Variants in EPS8 observed in about 807,000 individuals in gnomAD.
EPS8 encodes the protein epidermal growth factor receptor kinase substrate 8.
Under a neutral mutation model 103.8 loss-of-function variants are expected in EPS8, and 42 were observed. That is an observed-to-expected ratio of 0.40 (90% confidence interval 0.32 to 0.52). The LOEUF is 0.52. Ranked by LOEUF, EPS8 falls within the 20% of genes least tolerant of loss-of-function variation. The pLI, the probability that EPS8 is intolerant of heterozygous loss-of-function variation, is 0.40. For missense variants in EPS8, 969 were observed against 1,005.1 expected (o/e 0.96, Z 0.49); for synonymous variants, 344 against 344.6 (o/e 1.00, Z 0.02).
chr12:15,672,581 C>A (rs1026464598), intron 3 of EPS8: 5 of 397,252 alleles, frequency 1.3e-5, no homozygotes, highest in African/African-American at 1.0e-4. Context: ...AAAACATAAA[C>A]CTTCACTTAC....
chr12:15,718,032 TA>T (rs138912127), intron 1 of EPS8, among the ~76,000 whole-genome samples: 66 of 152,326 alleles, frequency 4.3e-4, no homozygotes, highest in African/African-American at 1.6e-3. Context: ...TCATGTCCTA[TA>T]ACTAAAGATT....
At chr12:15,740,439 G>C (rs1946808570) in intron 1 of EPS8, among the ~76,000 whole-genome samples, 1 of 152,038 alleles carries the variant, frequency 6.6e-6, no homozygotes, top group African/African-American at 2.4e-5. Context: ...CAGCTACTCG[G>C]GAGGCCAAGG....
chr12:15,746,154 T>C (rs1946873033), intron 1 of EPS8, among the ~76,000 whole-genome samples: 1 of 152,152 alleles, frequency 6.6e-6, no homozygotes, highest in African/African-American at 2.4e-5. Flanking sequence ...AATTTTTCCT[T>C]GAAGCAGGAG....
chr12:15,648,522 C>T (rs1488443329), intron 14 of EPS8, among the ~76,000 whole-genome samples: 1 of 152,076 alleles, frequency 6.6e-6, no homozygotes, highest in East Asian at 1.9e-4. Flanking sequence ...TAAAAATAAA[C>T]AAGTTTCAGC....
intron 1 of EPS8, among the ~76,000 whole-genome samples, chr12:15,710,016 C>T (rs1203081271): frequency 6.6e-6 from 1 of 152,206 alleles, no homozygotes. Context: ...GCTTGCTGGC[C>T]TACTGCTCAC....
chr12:15,739,150 T>A (rs1270486472), intron 1 of EPS8, among the ~76,000 whole-genome samples: 1 of 152,182 alleles, frequency 6.6e-6, no homozygotes, highest in Non-Finnish European at 1.5e-5. Flanking sequence ...AACCTGAGAA[T>A]AGTATTACTC....
intron 14 of EPS8, among the ~76,000 whole-genome samples, chr12:15,647,637 C>G (rs949575661): frequency 1.3e-5 from 2 of 152,188 alleles, no homozygotes; most frequent in African/African-American, 4.8e-5. Context: ...AATAGCAGCA[C>G]TATTATCATA....
At position 15,631,352 on chromosome 12, in the gene EPS8, T is replaced by C. The variant is rs566467253; in HGVS notation, c.2044+90A>G. The C allele has an allele frequency of 5.2e-5, 81 of 1,563,980 alleles. No homozygotes were observed. The African/African-American group carries it at 8.5e-4, about 16-fold the overall frequency. Reference sequence around the variant, plus strand: ...AGTACCATGCAAGTATAAAGGACTTTAATACAAGTAGAATCAGCAGTAAAC... The same window carrying C: ...AGTACCATGCAAGTATAAAGGACTTCAATACAAGTAGAATCAGCAGTAAAC... On this transcript the variant is annotated intron_variant, in intron 18 of 20. Coordinates refer to ENST00000281172, the MANE Select transcript of EPS8 (RefSeq NM_004447.6).
intron 1 of EPS8, among the ~76,000 whole-genome samples, chr12:15,687,070 T>A (rs1234033323): frequency 6.6e-6 from 1 of 152,090 alleles, no homozygotes; most frequent in Non-Finnish European, 1.5e-5. Context: ...GAAACTTAAT[T>A]TCCACCAATA....
chr12:15,763,841 T>G (rs1389397223), intron 1 of EPS8, among the ~76,000 whole-genome samples: 1 of 152,220 alleles, frequency 6.6e-6, no homozygotes. Context: ...TCTACCCCTA[T>G]TTATGTCCCC....
chr12:15,789,337 G>C lies in EPS8; in HGVS notation c.-198C>G, dbSNP rs942203810. 1.3e-5 allele frequency: 2 copies of C among 152,296 alleles called. No individual in the cohort carries two copies. Among genetic ancestry groups the C allele is most frequent in the African/African-American group, 2.4e-5 (1 of 41,474 alleles). The allele number at this position is 152,296 out of a possible 1,614,324, so 9.4% of individuals were successfully genotyped here. On this transcript the variant is annotated 5_prime_UTR_variant, in exon 1 of 21. Coordinates refer to ENST00000281172, the MANE Select transcript of EPS8 (RefSeq NM_004447.6). The surrounding 1 kb of genome is among the most constrained non-coding windows in gnomAD (Gnocchi z 6.1). ...CAGCGATCTCCGAGGCGAGCACAGC[G>C]CCGGCCTCGCGCCGGGCGAGACCGC...
intron 3 of EPS8, among the ~76,000 whole-genome samples, chr12:15,678,598 C>A (rs1047062079): frequency 5.3e-5 from 8 of 152,046 alleles, no homozygotes; most frequent in African/African-American, 1.4e-4. Context: ...GGGGGCCTCA[C>A]TTTGCTTTAT....
At position 15,684,551 on chromosome 12, in the gene EPS8, A is replaced by T. The variant is rs1469100079; in HGVS notation, c.-21-1579T>A. 6.6e-6 allele frequency among the ~76,000 whole-genome samples: 1 copy of T among 152,174 alleles called. No individual in the cohort carries two copies. Among genetic ancestry groups the T allele is most frequent in the East Asian group, 1.9e-4 (1 of 5,196 alleles). ...AAAGAAAGAAGGAAATCCATGTCCC[A>T]CTCTTCAAAGAGTTTATTGTATTCT... On this transcript the variant is annotated intron_variant, in intron 1 of 20. Coordinates refer to ENST00000281172, the MANE Select transcript of EPS8 (RefSeq NM_004447.6). This position sits in a 1 kb window ranked among gnomAD's most constrained non-coding sequence, Gnocchi z 4.9.
rs935748613 is a variant in EPS8, at chr12:15,751,022, C to T, written c.-22+38139G>A. 3.3e-5 allele frequency among the ~76,000 whole-genome samples: 5 copies of T among 152,130 alleles called. No homozygotes were observed. Among genetic ancestry groups the T allele is most frequent in the Admixed American group, 1.3e-4 (2 of 15,276 alleles). On this transcript the variant is annotated intron_variant, in intron 1 of 20. Transcript: ENST00000281172. This position sits in a 1 kb window ranked among gnomAD's most constrained non-coding sequence, Gnocchi z 4.3. ...AGATCAGAAGGACACTGTTTCTCTC[C>T]TTGTCACAATAAGGACCAAATCCTT...
intron 1 of EPS8, among the ~76,000 whole-genome samples, chr12:15,722,639 T>TA (rs2135979792): frequency 6.6e-6 from 1 of 152,316 alleles, no homozygotes; most frequent in South Asian, 2.1e-4. Context: ...GGGTAATTTG[T>TA]AATGTGCTGC....
intron 6 of EPS8, among the ~76,000 whole-genome samples, chr12:15,667,436 C>A (rs1298518664): frequency 6.6e-6 from 1 of 151,994 alleles, no homozygotes; most frequent in African/African-American, 2.4e-5. Flanking sequence ...GTGTGACTTC[C>A]TAAGAGCATT....
At chr12:15,782,719 G>C (rs141952945) in intron 1 of EPS8, among the ~76,000 whole-genome samples, 1 of 151,850 alleles carries the variant, frequency 6.6e-6, no homozygotes, top group Non-Finnish European at 1.5e-5. Context: ...TATCATTCGC[G>C]GTCAAGAGAA....
chr12:15,628,920 A>C (rs1944995533), intron 18 of EPS8, among the ~76,000 whole-genome samples: 4 of 152,218 alleles, frequency 2.6e-5, no homozygotes, highest in Admixed American at 2.6e-4. Flanking sequence ...TTAAGCCCCA[A>C]CATTCATTCA....
chr12:15,732,060 G>A (rs1307847105), intron 1 of EPS8, among the ~76,000 whole-genome samples: 2 of 152,164 alleles, frequency 1.3e-5, no homozygotes, highest in East Asian at 3.9e-4. Flanking sequence ...GTGAAACTAC[G>A]CATTTCATAA....
Sources: gnomAD v4.1 joint callset for allele counts (sites outside exome capture counted in the v4.1 genomes callset) on GRCh38, gnomAD v4.1.1 for gene constraint, Gnocchi (gnomAD v3.1) non-coding constraint, MANE v1.5 for transcripts, NCBI Gene and HGNC (gene_info 2026-07-23, HGNC 2026-07-21) for gene names.